The following GAS7 variants were observed in gnomAD, a reference collection of about 807,000 sequenced individuals.
GAS7 encodes the protein growth arrest specific 7, also known as growth arrest-specific protein 7.
Under a neutral mutation model 71.1 loss-of-function variants are expected in GAS7, and 28 were observed. That is an observed-to-expected ratio of 0.39 (90% confidence interval 0.29 to 0.54). The LOEUF (loss-of-function observed/expected upper bound fraction) is 0.54. Among genes scored for constraint, GAS7 ranks in the 20% least tolerant of loss-of-function variants. GAS7 has a pLI of 0.62. For synonymous variants in GAS7, 258 were observed against 245.8 expected (o/e 1.05, Z -0.46); for missense variants, 436 against 627.8 (o/e 0.69, Z 3.27).
At chr17:9,931,708 G>C (rs563143827) in intron 9 of GAS7, among the ~76,000 whole-genome samples, 1 of 152,334 alleles carries the variant, frequency 6.6e-6, no homozygotes, top group Non-Finnish European at 1.5e-5. Flanking sequence ...GAAGCGCTTG[G>C]TGTAATGAGG....
intron 1 of GAS7, among the ~76,000 whole-genome samples, chr17:10,083,890 G>C (rs2073485532): frequency 6.6e-6 from 1 of 152,212 alleles, no homozygotes; most frequent in Non-Finnish European, 1.5e-5. Flanking sequence ...GAAGGGTAGG[G>C]ATCAATCAGA....
rs568457885 is a variant in GAS7 at position 10,057,560 on chromosome 17, G to A, written c.184-37663C>T. On this transcript the variant is annotated intron_variant, in intron 1 of 13. Transcript: ENST00000432992. ...AAGTGAGGAGCATCTCCACCCGGCA[G>A]CCGCCCCGTCAGGGAGGGAGGTGGG... Among the ~76,000 whole-genome samples the A allele has an allele frequency of 1.6e-4, 25 of 151,746 alleles. No individual in the cohort carries two copies. In the South Asian group the frequency reaches 5.2e-3, roughly 32 times the overall value.
chr17:10,049,193 GC>G (rs1266818725), intron 1 of GAS7, among the ~76,000 whole-genome samples: 1 of 152,166 alleles, frequency 6.6e-6, no homozygotes, highest in African/African-American at 2.4e-5. Context: ...GCTATGTAAG[GC>G]ACCACAGTGG....
At position 10,026,628 on chromosome 17, in the gene GAS7, A is replaced by G. The variant is rs914361830; in HGVS notation, c.184-6731T>C. 6.6e-6 allele frequency among the ~76,000 whole-genome samples: 1 copy of G among 152,300 alleles called. No homozygotes were observed. Among genetic ancestry groups the G allele is most frequent in the Non-Finnish European group, 1.5e-5 (1 of 68,022 alleles). On this transcript the variant is annotated intron_variant, in intron 1 of 13. Coordinates refer to ENST00000432992, the MANE Select transcript of GAS7 (RefSeq NM_201433.2). This position sits in a 1 kb window ranked among gnomAD's most constrained non-coding sequence, Gnocchi z 4.5. ...CCCCACTGCCAGCTCTGCACTCCTC[A>G]GGGAGTCAACCAATTACTAATGGGG...
intron 4 of GAS7, among the ~76,000 whole-genome samples, chr17:9,968,922 G>A (rs930331215): frequency 3.3e-5 from 5 of 152,180 alleles, no homozygotes; most frequent in African/African-American, 1.2e-4. Flanking sequence ...GGCTGCTGGA[G>A]TTTGGAAGCT....
At position 9,943,342 on chromosome 17, in the gene GAS7, T is replaced by C. The variant is rs2068675837; in HGVS notation, c.616-106A>G. 3.2e-5 allele frequency: 23 copies of C among 723,586 alleles called. No individual in the cohort carries two copies. The South Asian group carries it at 3.3e-4, about 10-fold the overall frequency. 44.8% of individuals were successfully genotyped at this position (723,586 alleles called of 1,614,324 possible). ...TCCTAGATGTGCCTGGCAATCCCAG[T>C]CCAGCACAAGACGCGGGAGCAGCTG... is the stretch of plus-strand genomic sequence containing the variant. On this transcript the variant is annotated intron_variant, in intron 6 of 13. Coordinates refer to ENST00000432992, the MANE Select transcript of GAS7 (RefSeq NM_201433.2).
chr17:9,917,268 T>C lies in GAS7; in HGVS notation c.1391A>G (p.His464Arg), dbSNP rs2067612821. The C allele has an allele frequency of 6.2e-7, 1 of 1,613,806 alleles. No individual in the cohort carries two copies. The highest frequency in any genetic ancestry group is 1.7e-5 in the Admixed American group (1 of 60,036). Reference sequence around the variant, plus strand: ...CACAGGGCGGATGTTGCCCGTCTTGTGCTCTCTGACCCACAGCTCCCTGTC... The same window carrying C: ...CACAGGGCGGATGTTGCCCGTCTTGCGCTCTCTGACCCACAGCTCCCTGTC... Reference protein sequence around the residue: ...AKDRELWVREHKTGNIRPVDM... With the variant: ...AKDRELWVRERKTGNIRPVDM... Residue 464 changes from histidine (H) to arginine (R), a missense_variant, in exon 14 of 14, where the codon CAC becomes CGC. Transcript: ENST00000432992.
intron 1 of GAS7, among the ~76,000 whole-genome samples, chr17:10,091,419 T>C (rs2073580413): frequency 6.6e-6 from 1 of 152,150 alleles, no homozygotes; most frequent in Non-Finnish European, 1.5e-5. Context: ...GACGGAGTCT[T>C]GCTCTGTCCC....
intron 1 of GAS7, among the ~76,000 whole-genome samples, chr17:10,086,718 C>T (rs1326187448): frequency 6.6e-6 from 1 of 152,206 alleles, no homozygotes. Flanking sequence ...ATAATTCTGG[C>T]AGATCCTGCC....
intron 1 of GAS7, among the ~76,000 whole-genome samples, chr17:10,092,155 TTCTC>T (rs138025105): frequency 6.6e-6 from 1 of 151,910 alleles, no homozygotes; most frequent in South Asian, 2.1e-4. Context: ...CGCACATGTA[TTCTC>T]TCTCTCTCTG....
rs185028376 is a variant in GAS7 at position 10,137,571 on chromosome 17, C to G, written c.183+60637G>C. ...TTTTTTTTTTTGAGACAGAGTTTCACTCTTGTTGCCCAAGCTGGAGTACAA... is the reference window on the plus strand; with the variant it reads ...TTTTTTTTTTTGAGACAGAGTTTCAGTCTTGTTGCCCAAGCTGGAGTACAA... On this transcript the variant is annotated intron_variant, in intron 1 of 13. Transcript: ENST00000432992. 2.2e-3 allele frequency among the ~76,000 whole-genome samples: 329 copies of G among 150,122 alleles called. 1 individual carries two copies. The highest frequency in any genetic ancestry group is 2.7e-3 in the Non-Finnish European group (186 of 67,760).
intron 1 of GAS7, among the ~76,000 whole-genome samples, chr17:10,143,064 C>T (rs923333747): frequency 2.0e-5 from 3 of 151,400 alleles, no homozygotes; most frequent in Non-Finnish European, 4.4e-5. Flanking sequence ...TGCCTGTAAT[C>T]CCAGCTACCT....
intron 11 of GAS7, among the ~76,000 whole-genome samples, chr17:9,922,190 T>TGATGAA (rs72125998): frequency 2.0e-5 from 3 of 148,524 alleles, no homozygotes; most frequent in South Asian, 2.1e-4. Context: ...GCTATGGTGG[T>TGATGAA]GATGAAGATG....
At chr17:10,171,939 G>A (rs982798410) in intron 1 of GAS7, among the ~76,000 whole-genome samples, 3 of 152,156 alleles carry the variant, frequency 2.0e-5, no homozygotes, top group African/African-American at 7.2e-5. Context: ...AGGGGCACCA[G>A]GAGCAAGCAC....
intron 4 of GAS7, among the ~76,000 whole-genome samples, chr17:9,967,591 C>T (rs910396417): frequency 4.6e-5 from 7 of 150,654 alleles, no homozygotes; most frequent in Non-Finnish European, 1.0e-4. Context: ...ATAAGACTGA[C>T]TATATATGCA....
intron 9 of GAS7, among the ~76,000 whole-genome samples, chr17:9,932,326 C>G (rs1018596718): frequency 6.6e-6 from 1 of 151,822 alleles, no homozygotes; most frequent in Non-Finnish European, 1.5e-5. Context: ...TCCCGAGTAG[C>G]TGGGACTACA....
intron 11 of GAS7, among the ~76,000 whole-genome samples, chr17:9,921,654 T>C (rs988721133): frequency 1.4e-4 from 21 of 152,236 alleles, no homozygotes; most frequent in African/African-American, 4.6e-4. Context: ...AGACCATGGA[T>C]TGTGGGACAA....
At chr17:10,152,584 C>T (rs2074174653) in intron 1 of GAS7, among the ~76,000 whole-genome samples, 1 of 152,152 alleles carries the variant, frequency 6.6e-6, no homozygotes, top group African/African-American at 2.4e-5. Context: ...TAGACATTCC[C>T]CCAGTCCAGT....
chr17:10,167,044 C>CTTTTTT lies in GAS7; in HGVS notation c.183+31158_183+31163dup, dbSNP rs1164151104. On this transcript the variant is annotated intron_variant, in intron 1 of 13. Coordinates refer to ENST00000432992, the MANE Select transcript of GAS7 (RefSeq NM_201433.2). ...AAACCAATCTACTATTTCCATTTGT[C>CTTTTTT]TTTTTTTTTTTTTTTTTTTTTTTTT... Among the ~76,000 whole-genome samples, 482 of 58,792 alleles carry CTTTTTT rather than the reference C, an allele frequency of 8.2e-3. 74 individuals carry two copies. The highest frequency in any genetic ancestry group is 0.013 in the East Asian group (25 of 1,966). 38.6% of individuals were successfully genotyped at this position (58,792 alleles called of 152,430 possible).
Sources: gnomAD v4.1 joint callset for allele counts (sites outside exome capture counted in the v4.1 genomes callset) on GRCh38, gnomAD v4.1.1 for gene constraint, Gnocchi (gnomAD v3.1) non-coding constraint, MANE v1.5 for transcripts, NCBI Gene and HGNC (gene_info 2026-07-23, HGNC 2026-07-21) for gene names.